Variants in CTTN observed in about 807,000 individuals in gnomAD.
CTTN encodes cortactin.
Under a neutral mutation model 84.0 loss-of-function variants are expected in CTTN, and 28 were observed. The observed-to-expected ratio is 0.33, with a 90% CI of 0.25 to 0.46. The LOEUF (loss-of-function observed/expected upper bound fraction) is 0.46. CTTN is among the 20% of genes least tolerant of loss of function. The pLI is 1.00. For missense variants in CTTN, 641 were observed against 723.8 expected (o/e 0.89, Z 1.31); for synonymous variants, 301 against 288.8 (o/e 1.04, Z -0.43).
intron 8 of CTTN, 128 bp downstream of exon 8, chr11:70,417,251 G>A: frequency 1.4e-6 from 1 of 700,852 alleles, no homozygotes; most frequent in South Asian, 1.7e-5. Flanking sequence ...TTTCGTACCA[G>A]TGTATGTGGG....
chr11:70,421,818 G>C, intron 11 of CTTN: 1 of 504,002 alleles, frequency 2.0e-6, no homozygotes, highest in Non-Finnish European at 3.5e-6. Context: ...GCCAGTTAGT[G>C]TGTGGGTGCC....
chr11:70,431,439 T>C (rs984100524), intron 15 of CTTN, among the ~76,000 whole-genome samples, 159 bp downstream of exon 15: 1 of 151,680 alleles, frequency 6.6e-6, no homozygotes, highest in African/African-American at 2.4e-5. Context: ...CAGGAGCGCC[T>C]GGGGGGTGGG....
chr11:70,410,213 G>A (rs1039335317), intron 5 of CTTN: 1 of 401,254 alleles, frequency 2.5e-6, no homozygotes, highest in Non-Finnish European at 4.6e-6. Flanking sequence ...GAGGGAGATT[G>A]GCCCTCAGAG....
rs1159468121 is a variant in CTTN, at chr11:70,407,032, A to C, written c.1-266A>C. ...ACACACGACTTTTTTATTTTCCAGA[A>C]AATTTTCTCACTCAAGGTGAAGCCA... On this transcript the variant is annotated intron_variant, in intron 2 of 17. Transcript: ENST00000301843. 2.0e-5 allele frequency among the ~76,000 whole-genome samples: 3 copies of C among 152,340 alleles called. No individual in the cohort carries two copies. The East Asian group carries it at 5.8e-4, about 29-fold the overall frequency.
Position 70,435,172 on chromosome 11 carries a change from C to A in CTTN, c.*10C>A, listed in dbSNP as rs769578467. 1.3e-5 allele frequency: 20 copies of A among 1,535,830 alleles called. No homozygotes were observed. Among genetic ancestry groups the A allele is most frequent in the South Asian group, 1.2e-5 (1 of 84,586 alleles). On this transcript the variant is annotated 3_prime_UTR_variant, in exon 18 of 18. Coordinates refer to ENST00000301843, the MANE Select transcript of CTTN (RefSeq NM_005231.4). ...GGAGCTGCGGCAGTAGGGCCCCCAG[C>A]CCCCCCCCGGAGCTGCGCCCTGGAT...
rs2058415482 is a variant in CTTN at position 70,436,198 on chromosome 11, C to A, written c.*1036C>A. The A allele has an allele frequency of 2.6e-6, 4 of 1,548,176 alleles. No homozygotes were observed. Among genetic ancestry groups the A allele is most frequent in the Middle Eastern group, 2.3e-4 (1 of 4,380 alleles). ...AGTTGAAGGCTAGAAGTGTGAAGTG[C>A]AGATGAGTGTGTGTTCTTCCCCAAG... On this transcript the variant is annotated 3_prime_UTR_variant, in exon 18 of 18. Coordinates refer to ENST00000301843, the MANE Select transcript of CTTN (RefSeq NM_005231.4).
rs139626428 is a variant in CTTN at position 70,407,084 on chromosome 11, G to T, written c.1-214G>T. Among the ~76,000 whole-genome samples, 3,798 of 152,196 alleles carry T rather than the reference G, an allele frequency of 0.025. 72 individuals carry two copies. Among genetic ancestry groups the T allele is most frequent in the Non-Finnish European group, 0.039 (2,655 of 68,006 alleles). On this transcript the variant is annotated intron_variant, in intron 2 of 17. Transcript: ENST00000301843. The stretch of plus-strand genomic sequence containing the variant: ...ATAGTATTTCCAGTATATTTCTGAC[G>T]TCAGGTGACGGCAGTGTTAGAACCC...
At chr11:70,416,977 C>T (rs1565492706) in intron 7 of CTTN, 36 bp from the exon 8 acceptor site, 1 of 1,472,458 alleles carries the variant, frequency 6.8e-7, no homozygotes, top group Non-Finnish European at 9.5e-7. Context: ...AGTTCGTCCT[C>T]AGGCCCCCGT....
Position 70,436,540 on chromosome 11 carries a change from A to C in CTTN, c.*1378A>C. 2 of 764,008 alleles carry C rather than the reference A, an allele frequency of 2.6e-6. No individual in the cohort carries two copies. The highest frequency in any genetic ancestry group is 2.1e-6 in the Non-Finnish European group (1 of 478,896). The allele number at this position is 764,008 out of a possible 1,614,324, so 47.3% of individuals were successfully genotyped here. On this transcript the variant is annotated 3_prime_UTR_variant, in exon 18 of 18. Coordinates refer to ENST00000301843, the MANE Select transcript of CTTN (RefSeq NM_005231.4). Reference sequence around the variant, plus strand: ...CACACCTCATAGGTATGATTTTTTTAAATTAAAGAATTCAGAATAAACATT... The same window carrying C: ...CACACCTCATAGGTATGATTTTTTTCAATTAAAGAATTCAGAATAAACATT...
intron 1 of CTTN, among the ~76,000 whole-genome samples, chr11:70,405,036 C>T (rs1220459797): frequency 6.6e-6 from 1 of 152,166 alleles, no homozygotes; most frequent in Non-Finnish European, 1.5e-5. Flanking sequence ...AAAAAGTCAT[C>T]ATGTAGTTAG....
intron 17 of CTTN, among the ~76,000 whole-genome samples, chr11:70,434,496 G>A (rs186777315): frequency 7.2e-5 from 11 of 152,384 alleles, no homozygotes; most frequent in East Asian, 1.9e-4. Flanking sequence ...AGCGCTGGCC[G>A]TCCCCGTTCA....
chr11:70,434,709 G>A (rs1261176102), intron 17 of CTTN, among the ~76,000 whole-genome samples: 2 of 152,222 alleles, frequency 1.3e-5, no homozygotes, highest in African/African-American at 2.4e-5. Flanking sequence ...CCACAGACAC[G>A]TCTGCCAGAG....
chr11:70,404,605 T>G (rs2135549706), intron 1 of CTTN, among the ~76,000 whole-genome samples: 1 of 152,362 alleles, frequency 6.6e-6, no homozygotes, highest in Middle Eastern at 3.4e-3. Context: ...TATTTTATAA[T>G]GTCATTAATT....
At chr11:70,431,073 T>C (rs879936701) in intron 14 of CTTN, 118 bp from the exon 15 acceptor site, 2 of 1,050,746 alleles carry the variant, frequency 1.9e-6, no homozygotes, top group Non-Finnish European at 2.9e-6. Flanking sequence ...TGTGGGTGTT[T>C]TCCACTCCTT....
At chr11:70,419,578 T>C (rs2058204397) in intron 8 of CTTN, among the ~76,000 whole-genome samples, 168 bp from the exon 9 acceptor site, 1 of 152,242 alleles carries the variant, frequency 6.6e-6, no homozygotes, top group African/African-American at 2.4e-5. Context: ...CCACTGTTTG[T>C]GTTTCTGTTA....
At chr11:70,407,681 G>A in intron 4 of CTTN, 90 bp downstream of exon 4, 2 of 1,208,416 alleles carry the variant, frequency 1.7e-6, no homozygotes, top group East Asian at 2.4e-5. Flanking sequence ...TGGAGGGACA[G>A]CCCGTGTGGA....
chr11:70,432,107 C>T (rs545274126), intron 15 of CTTN, among the ~76,000 whole-genome samples: 1 of 152,316 alleles, frequency 6.6e-6, no homozygotes, highest in East Asian at 1.9e-4. Context: ...CCTCGATGGC[C>T]GTGGCCTTGT....
intron 1 of CTTN, 52 bp from the exon 2 acceptor site, chr11:70,405,213 G>T (rs1219907652): frequency 6.6e-6 from 1 of 152,190 alleles, no homozygotes; most frequent in Admixed American, 6.5e-5. Flanking sequence ...TTTGCCCAGG[G>T]AGCTGCTCAA....
intron 6 of CTTN, 146 bp from the exon 7 acceptor site, chr11:70,415,517 A>T: frequency 1.3e-6 from 1 of 774,258 alleles, no homozygotes; most frequent in Non-Finnish European, 2.3e-6. Context: ...CGTCACTGCC[A>T]CCTGCACCTG....
Sources: allele counts gnomAD v4.1 joint callset (sites outside exome capture counted in the v4.1 genomes callset), GRCh38; gene constraint gnomAD v4.1.1; transcripts MANE v1.5; gene names NCBI Gene and HGNC (gene_info 2026-07-23, HGNC 2026-07-21).